The following RYR3 variants were observed in gnomAD, a reference collection of about 807,000 sequenced individuals.
RYR3 encodes the protein brain ryanodine receptor-calcium release channel.
A neutral mutation model predicts 584.3 loss-of-function variants in RYR3; 207 were observed. That is an observed-to-expected ratio of 0.35 (90% CI 0.32 to 0.40). The LOEUF (loss-of-function observed/expected upper bound fraction) is 0.40. Ranked by LOEUF, RYR3 falls within the 10% of genes least tolerant of loss-of-function variation. The pLI is 1.00. For missense variants in RYR3, 5,616 were observed against 6,089.2 expected, an observed-to-expected ratio of 0.92 and a Z score of 2.59; for synonymous variants, 2,416 against 2,248.5, an observed-to-expected ratio of 1.07 and a Z score of -2.11.
rs369563500 is a variant in RYR3 at position 33,644,396 on chromosome 15, C to A, written c.3642C>A (p.Thr1214=). The part of the protein sequence containing the change: ...GTDASTFKFY[T]MCGLQEGFEP... ...ATGCCAGTACCTTCAAGTTTTATAC[C>A]ATGTGCGGTCTCCAAGAGGGCTTTG... Residue 1214 remains threonine (T), a synonymous_variant, in exon 28 of 104, where the codon ACC becomes ACA. Coordinates refer to ENST00000634891, the MANE Select transcript of RYR3 (RefSeq NM_001036.6). 3.1e-6 allele frequency: 5 copies of A among 1,613,478 alleles called. No homozygotes were observed. The highest frequency in any genetic ancestry group is 4.2e-6 in the Non-Finnish European group (5 of 1,179,668).
intron 38 of RYR3, among the ~76,000 whole-genome samples, chr15:33,682,793 A>G (rs1265428928): frequency 6.6e-6 from 1 of 152,204 alleles, no homozygotes; most frequent in Admixed American, 6.5e-5. Flanking sequence ...AAGTCAGTGC[A>G]TAAAAATCCT....
At chr15:33,396,664 A>G (rs2251808) in intron 1 of RYR3, among the ~76,000 whole-genome samples, 134,504 of 152,214 alleles carry the variant, frequency 0.88, 59,522 homozygotes, top group East Asian at 1. Context: ...GGCTGGCCTC[A>G]GAGATAGTGG....
At chr15:33,634,042 G>T (rs946154905) in intron 24 of RYR3, among the ~76,000 whole-genome samples, 1 of 151,946 alleles carries the variant, frequency 6.6e-6, no homozygotes, top group South Asian at 2.1e-4. Flanking sequence ...TATTTAAAGT[G>T]TTTTTTGTTT....
chr15:33,677,881 G>T (rs2064292593), intron 38 of RYR3, among the ~76,000 whole-genome samples: 2 of 152,174 alleles, frequency 1.3e-5, no homozygotes. Context: ...GTATGACTGG[G>T]GCAGTTTTGT....
intron 67 of RYR3, among the ~76,000 whole-genome samples, chr15:33,798,052 G>A (rs141140944): frequency 1.3e-3 from 204 of 151,294 alleles, no homozygotes; most frequent in Middle Eastern, 6.8e-3. Context: ...ATTGTTCCTC[G>A]TTAGAAAGCC....
chr15:33,864,061 C>A, intron 102 of RYR3, 77 bp from the exon 103 acceptor site: 4 of 1,094,638 alleles, frequency 3.7e-6, no homozygotes, highest in Non-Finnish European at 5.5e-6. Flanking sequence ...CCTTTCTGAG[C>A]CCTGATCACA....
chr15:33,852,035 A>ACTGC (rs2079156585), intron 94 of RYR3: 1 of 152,014 alleles, frequency 6.6e-6, no homozygotes, highest in Non-Finnish European at 1.5e-5. Flanking sequence ...TTTTTTAAAT[A>ACTGC]CTGCCACCCT....
At chr15:33,828,864 G>A (rs940169782) in intron 85 of RYR3, among the ~76,000 whole-genome samples, 2 of 152,196 alleles carry the variant, frequency 1.3e-5, no homozygotes, top group African/African-American at 4.8e-5. Flanking sequence ...GATTTCCCAC[G>A]TACATGAAAC....
chr15:33,741,482 G>T (rs534462455), intron 51 of RYR3, among the ~76,000 whole-genome samples: 1 of 502 alleles, frequency 2.0e-3, no homozygotes, highest in South Asian at 0.17. Context: ...AACACTGCAT[G>T]CAATATAAGA....
chr15:33,856,648 T>TTTC (rs386382655), intron 98 of RYR3: 3 of 25,462 alleles, frequency 1.2e-4, no homozygotes, highest in Admixed American at 1.0e-3. Flanking sequence ...AACCTTTGGG[T>TTTC]TTTTTGTTTG....
Position 33,419,856 on chromosome 15 carries a change from A to G in RYR3, c.52-53563A>G, listed in dbSNP as rs552804229. On this transcript the variant is annotated intron_variant, in intron 1 of 103. Coordinates refer to ENST00000634891, the MANE Select transcript of RYR3 (RefSeq NM_001036.6). ...TGTTGATGTACTACATATGTATAAA[A>G]TCCCCATGTAACTTTACCAGGCATC... Among the ~76,000 whole-genome samples the G allele has an allele frequency of 2.0e-5, 3 of 152,254 alleles. No individual in the cohort carries two copies. In the East Asian group the frequency reaches 5.8e-4, roughly 29 times the overall value.
intron 1 of RYR3, chr15:33,467,452 G>T (rs2142152469): frequency 1.0e-6 from 1 of 983,246 alleles, no homozygotes; most frequent in Non-Finnish European, 1.2e-6. Context: ...AGCAGAGATG[G>T]CTCTCTATTG....
chr15:33,773,507 A>G, intron 63 of RYR3, 27 bp from the exon 64 acceptor site: 1 of 1,539,344 alleles, frequency 6.5e-7, no homozygotes, highest in Admixed American at 1.8e-5. Context: ...ATTGATGCAA[A>G]TCAATGATAT....
intron 1 of RYR3, among the ~76,000 whole-genome samples, chr15:33,427,635 C>T (rs2044757266): frequency 6.6e-6 from 1 of 152,182 alleles, no homozygotes; most frequent in Admixed American, 6.5e-5. Context: ...TGTATTACAT[C>T]ACTGGAAGTT....
At chr15:33,634,483 A>G in intron 24 of RYR3, 103 bp from the exon 25 acceptor site, 1 of 1,165,390 alleles carries the variant, frequency 8.6e-7, no homozygotes, top group Non-Finnish European at 1.3e-6. Context: ...ATAGACCTAG[A>G]GCGACCAGAA....
At chr15:33,692,168 G>A (rs1190774124) in intron 38 of RYR3, among the ~76,000 whole-genome samples, 1 of 152,194 alleles carries the variant, frequency 6.6e-6, no homozygotes, top group Non-Finnish European at 1.5e-5. Context: ...TCTAGAAAAT[G>A]TATTCTTTTT....
rs192638000 is a variant in RYR3 at position 33,865,188 on chromosome 15, G to C, written c.14575G>C (p.Asp4859His). 6.2e-7 allele frequency: 1 copy of C among 1,613,830 alleles called. No homozygotes were observed. Among genetic ancestry groups the C allele is most frequent in the African/African-American group, 1.3e-5 (1 of 74,918 alleles). Residue 4859 changes from aspartate (D) to histidine (H), a missense_variant, in exon 104 of 104, where the codon GAC becomes CAC. Around this residue, in one of 9 missense-constraint regions of RYR3, gnomAD observed 918 missense variants for 887.4 expected, o/e 1.03. Transcript: ENST00000634891. ...GTGTTGGGATTTCTTCCCAGCCGGT[G>C]ACTGCTTTCGTAAACAATATGAAGA... is the stretch of plus-strand genomic sequence containing the variant. ...ERCWDFFPAGDCFRKQYEDQL... is the reference protein window; with the variant it reads ...ERCWDFFPAGHCFRKQYEDQL...
chr15:33,819,397 C>T (rs1041018927), intron 76 of RYR3, among the ~76,000 whole-genome samples: 25 of 152,226 alleles, frequency 1.6e-4, no homozygotes, highest in African/African-American at 6.0e-4. Flanking sequence ...TAAGGCTGGG[C>T]ATGGTGGCTC....
intron 98 of RYR3, chr15:33,856,198 C>T (rs576620100): frequency 2.6e-5 from 4 of 152,194 alleles, no homozygotes; most frequent in African/African-American, 2.4e-5. Context: ...AGTTCTTTCT[C>T]TTTTTTTTCC....
Sources: gnomAD v4.1 joint callset for allele counts (sites outside exome capture counted in the v4.1 genomes callset) on GRCh38, gnomAD v4.1.1 for gene constraint, gnomAD v4.1.1 regional missense constraint, MANE v1.5 for transcripts, NCBI Gene and HGNC (gene_info 2026-07-23, HGNC 2026-07-21) for gene names.